WDFY2: variants seen among roughly 807,000 people sequenced by gnomAD.
The protein encoded by WDFY2 is WD repeat and FYVE domain-containing protein 2.
A neutral mutation model predicts 56.4 loss-of-function variants in WDFY2; 36 were observed. The observed-to-expected ratio is 0.64, with a 90% confidence interval of 0.49 to 0.84. WDFY2 has a LOEUF of 0.84. Ranked by LOEUF, WDFY2 falls within the 40% of genes least tolerant of loss-of-function variation. The pLI, the probability that WDFY2 is intolerant of heterozygous loss-of-function variation, is 0.00. For synonymous variants in WDFY2, 176 were observed against 183.7 expected (o/e 0.96, Z 0.34); for missense variants, 444 against 512.2 (o/e 0.87, Z 1.29).
In WDFY2 at chr13:51,607,436, C is replaced by A. The variant is rs542144298; in HGVS notation, c.137+22612C>A. Reference sequence around the variant, plus strand: ...ACTGCCTCTTGATAAGAGGAGGACTCCAGTCATGTTGCCAAGGAGTGTATA... The same window carrying A: ...ACTGCCTCTTGATAAGAGGAGGACTACAGTCATGTTGCCAAGGAGTGTATA... On this transcript the variant is annotated intron_variant, in intron 1 of 11. Coordinates refer to ENST00000298125, the MANE Select transcript of WDFY2 (RefSeq NM_052950.4). Among the ~76,000 whole-genome samples, 3 of 152,126 alleles carry A rather than the reference C, an allele frequency of 2.0e-5. No homozygotes were observed. The South Asian group carries it at 6.2e-4, about 31-fold the overall frequency.
In WDFY2 at chr13:51,761,496, G is replaced by C. The variant is rs1460938275; in HGVS notation, c.*1727G>C. On this transcript the variant is annotated 3_prime_UTR_variant, in exon 12 of 12. Transcript: ENST00000298125. ...GTCTCTTGAGGATCACAGGCCAATT[G>C]CTTGTCCTTCCCGACCCAAGCCCCA... 6.6e-6 allele frequency: 1 copy of C among 152,160 alleles called. No individual in the cohort carries two copies. Among genetic ancestry groups the C allele is most frequent in the African/African-American group, 2.4e-5 (1 of 41,432 alleles). The allele number at this position is 152,160 out of a possible 1,614,324, so 9.4% of individuals were successfully genotyped here. A position where few individuals can be genotyped will look rare whatever the true frequency, so the allele number is the denominator to read the frequency against.
chr13:51,692,105 G>A (rs1488211083), intron 3 of WDFY2, among the ~76,000 whole-genome samples: 1 of 152,120 alleles, frequency 6.6e-6, no homozygotes, highest in Admixed American at 6.5e-5. Flanking sequence ...TGAGACAATG[G>A]GGTTTTCTAG....
chr13:51,628,152 G>GTGCTGAGA (rs1954873430), intron 1 of WDFY2, among the ~76,000 whole-genome samples: 2 of 152,290 alleles, frequency 1.3e-5, no homozygotes, highest in East Asian at 3.9e-4. Context: ...TGCCATCCAC[G>GTGCTGAGA]GCACCCAGGC....
intron 2 of WDFY2, among the ~76,000 whole-genome samples, chr13:51,670,010 G>A (rs1389541529): frequency 6.6e-6 from 1 of 152,128 alleles, no homozygotes; most frequent in Non-Finnish European, 1.5e-5. Context: ...CTCACCCTTT[G>A]GAGAAAGTAA....
intron 1 of WDFY2, among the ~76,000 whole-genome samples, chr13:51,633,036 G>A (rs1018971430): frequency 2.0e-5 from 3 of 152,266 alleles, no homozygotes; most frequent in Non-Finnish European, 4.4e-5. Flanking sequence ...GGTTGAAGCT[G>A]TAGGCAGTGG....
At chr13:51,740,655 G>A (rs187611868) in intron 7 of WDFY2, among the ~76,000 whole-genome samples, 119 of 151,224 alleles carry the variant, frequency 7.9e-4, no homozygotes, top group East Asian at 5.0e-3. Flanking sequence ...TGGAGGTCGC[G>A]GTGAGCCGAG....
At chr13:51,714,743 A>G (rs1366853792) in intron 4 of WDFY2, among the ~76,000 whole-genome samples, 2 of 152,238 alleles carry the variant, frequency 1.3e-5, no homozygotes, top group Non-Finnish European at 2.9e-5. Context: ...GAAGGCATAT[A>G]TAGTCATGTG....
At chr13:51,719,480 T>C (rs1205014185) in intron 5 of WDFY2, 132 bp downstream of exon 5, 1 of 1,054,868 alleles carries the variant, frequency 9.5e-7, no homozygotes, top group East Asian at 2.5e-5. Context: ...ACAATGCTCA[T>C]AGAATTTCCT....
intron 3 of WDFY2, among the ~76,000 whole-genome samples, chr13:51,684,085 T>C (rs570984356): frequency 6.6e-6 from 1 of 152,274 alleles, no homozygotes; most frequent in Non-Finnish European, 1.5e-5. Context: ...TTTATAAATA[T>C]GTACTCATTT....
At chr13:51,683,780 A>G (rs1378074752) in intron 3 of WDFY2, among the ~76,000 whole-genome samples, 1 of 152,174 alleles carries the variant, frequency 6.6e-6, no homozygotes, top group African/African-American at 2.4e-5. Context: ...CTAGATGCTT[A>G]CATTAGCAGA....
chr13:51,764,230 G>A lies in WDFY2; in HGVS notation c.*4461G>A, dbSNP rs566334284. 1 of 152,330 alleles carries A rather than the reference G, an allele frequency of 6.6e-6. No homozygotes were observed. The highest frequency in any genetic ancestry group is 1.9e-4 in the East Asian group (1 of 5,186). The allele number at this position is 152,330 out of a possible 1,614,324, so 9.4% of individuals were successfully genotyped here. A position where few individuals can be genotyped will look rare whatever the true frequency, so the allele number is the denominator to read the frequency against. ...TAGGCACTGGCAGTGCAAGGTGTCT[G>A]AGGCCCATTCTCAGGCTGGGCAGAG... On this transcript the variant is annotated 3_prime_UTR_variant, in exon 12 of 12. Coordinates refer to ENST00000298125, the MANE Select transcript of WDFY2 (RefSeq NM_052950.4).
intron 1 of WDFY2, among the ~76,000 whole-genome samples, chr13:51,613,139 A>G (rs1954536415): frequency 6.6e-6 from 1 of 151,960 alleles, no homozygotes; most frequent in South Asian, 2.1e-4. Flanking sequence ...TTGAGGCTGT[A>G]GTGTGTGATC....
rs1170366422 is a variant in WDFY2 at position 51,739,080 on chromosome 13, C to T, written c.630C>T (p.Val210=). 49 of 1,600,222 alleles carry T rather than the reference C, an allele frequency of 3.1e-5. No homozygotes were observed. Among genetic ancestry groups the T allele is most frequent in the Non-Finnish European group, 4.0e-5 (47 of 1,173,772 alleles). Residue 210 remains valine, a synonymous_variant, in exon 7 of 12, where the codon GTC becomes GTT. Coordinates refer to ENST00000298125, the MANE Select transcript of WDFY2 (RefSeq NM_052950.4). ...GGVTALCWDP[V]QRVLFSGSSD... ...TGACCGCTCTCTGTTGGGACCCAGTCCAGCGGGTGTTGTTCTCAGGCAGTT... is the reference window on the plus strand; with the variant it reads ...TGACCGCTCTCTGTTGGGACCCAGTTCAGCGGGTGTTGTTCTCAGGCAGTT...
At chr13:51,653,842 A>G (rs993718578) in intron 1 of WDFY2, among the ~76,000 whole-genome samples, 3 of 152,148 alleles carry the variant, frequency 2.0e-5, no homozygotes, top group Non-Finnish European at 4.4e-5. Flanking sequence ...CAGTTAGGCT[A>G]CTTGGGGGTC....
At chr13:51,650,092 G>A (rs1047260677) in intron 1 of WDFY2, among the ~76,000 whole-genome samples, 148 of 151,656 alleles carry the variant, frequency 9.8e-4, no homozygotes, top group African/African-American at 3.2e-3. Flanking sequence ...CTTTTATTTC[G>A]TTGAGCAGTG....
chr13:51,646,266 C>T (rs747661919), intron 1 of WDFY2, among the ~76,000 whole-genome samples: 14 of 152,234 alleles, frequency 9.2e-5, no homozygotes, highest in Admixed American at 2.6e-4. Context: ...GACTCCTGCT[C>T]GCCTTGCCTC....
chr13:51,650,697 T>C (rs189717425), intron 1 of WDFY2, among the ~76,000 whole-genome samples: 256 of 152,344 alleles, frequency 1.7e-3, no homozygotes, highest in Non-Finnish European at 3.0e-3. Context: ...GTTGGTTCTG[T>C]TTATATGCTG....
chr13:51,619,701 G>A (rs796720394), intron 1 of WDFY2, among the ~76,000 whole-genome samples: 1 of 152,324 alleles, frequency 6.6e-6, no homozygotes, highest in African/African-American at 2.4e-5. Flanking sequence ...AATGATTCAT[G>A]AATTGGGTAG....
intron 3 of WDFY2, among the ~76,000 whole-genome samples, chr13:51,680,891 A>G (rs1955966423): frequency 6.6e-6 from 1 of 152,190 alleles, no homozygotes; most frequent in South Asian, 2.1e-4. Flanking sequence ...TACAAGTAGG[A>G]CAGCCCAGCT....
Sources: allele counts gnomAD v4.1 joint callset (sites outside exome capture counted in the v4.1 genomes callset), GRCh38; gene constraint gnomAD v4.1.1; transcripts MANE v1.5; gene names NCBI Gene and HGNC (gene_info 2026-07-23, HGNC 2026-07-21).